ABAT: variants seen among roughly 807,000 people sequenced by gnomAD.
The protein encoded by ABAT is 4-aminobutyrate aminotransferase, also known as 4-aminobutyrate aminotransferase, mitochondrial.
A neutral mutation model predicts 64.6 loss-of-function variants in ABAT; 45 were observed. That is an observed-to-expected ratio of 0.70 (90% CI 0.55 to 0.89). The LOEUF is 0.89. Ranked by LOEUF, ABAT falls within the 40% of genes least tolerant of loss-of-function variation. ABAT has a pLI of 0.00. For missense variants in ABAT, 633 were observed against 658.4 expected, an observed-to-expected ratio of 0.96 and a Z score of 0.42; for synonymous variants, 297 against 250.5, an observed-to-expected ratio of 1.19 and a Z score of -1.75.
chr16:8,764,030 G>A lies in ABAT; in HGVS notation c.367-39G>A. On this transcript the variant is annotated intron_variant, in intron 6 of 15. Transcript: ENST00000268251. This position sits in a 1 kb window ranked among gnomAD's most constrained non-coding sequence, Gnocchi z 4.2. ...ATTTGTGGGCAGGGAGCTGGGTCAG[G>A]CCCCCAGAAGTCACCATTTGTCTCT... The A allele has an allele frequency of 1.9e-6, 3 of 1,561,846 alleles. No individual in the cohort carries two copies. Among genetic ancestry groups the A allele is most frequent in the Non-Finnish European group, 2.6e-6 (3 of 1,132,518 alleles).
At chr16:8,704,629 GT>G (rs34516341) in intron 1 of ABAT, among the ~76,000 whole-genome samples, 1 of 152,046 alleles carries the variant, frequency 6.6e-6, no homozygotes, top group Non-Finnish European at 1.5e-5. Flanking sequence ...TTATGATTTT[GT>G]TTTTTTGTGC....
Position 8,756,473 on chromosome 16 carries a change from G to A in ABAT, c.317-1284G>A, listed in dbSNP as rs576986258. On this transcript the variant is annotated intron_variant, in intron 5 of 15. Coordinates refer to ENST00000268251, the MANE Select transcript of ABAT (RefSeq NM_020686.6). ...CTGCCGGTTTGTTACATAGGTAAAC[G>A]TGTGCCATGGTGGTTTACTGCACCT... Among the ~76,000 whole-genome samples the A allele has an allele frequency of 6.6e-5, 10 of 152,008 alleles. No individual in the cohort carries two copies. The South Asian group carries it at 1.5e-3, about 22-fold the overall frequency.
intron 2 of ABAT, among the ~76,000 whole-genome samples, chr16:8,743,640 TA>T (rs2059242887): frequency 4.2e-5 from 2 of 47,670 alleles, no homozygotes; most frequent in Non-Finnish European, 9.1e-5. Flanking sequence ...ATTTTAGTTA[TA>T]ATATATAATA....
rs1343149430 is a variant in ABAT at position 8,754,625 on chromosome 16, CAT to C, written c.317-3130_317-3129del. Among the ~76,000 whole-genome samples, 14 of 152,192 alleles carry C rather than the reference CAT, an allele frequency of 9.2e-5. 1 individual carries two copies. In the East Asian group the frequency reaches 2.7e-3, roughly 29 times the overall value. On this transcript the variant is annotated intron_variant, in intron 5 of 15. Coordinates refer to ENST00000268251, the MANE Select transcript of ABAT (RefSeq NM_020686.6). ...ATTTCAGCTCGTTTCTCCTTGATCT[CAT>C]AAGCAGAGAGAGTTTCAGCATTTTC...
intron 1 of ABAT, among the ~76,000 whole-genome samples, chr16:8,690,226 C>G (rs1337531582): frequency 6.6e-6 from 1 of 152,210 alleles, no homozygotes; most frequent in African/African-American, 2.4e-5. Flanking sequence ...AGGTCTGGAA[C>G]TCTTTTCTCC....
chr16:8,677,974 G>T (rs1003451250), intron 1 of ABAT, among the ~76,000 whole-genome samples: 1 of 151,990 alleles, frequency 6.6e-6, no homozygotes, highest in Non-Finnish European at 1.5e-5. Flanking sequence ...TGGGGGGATT[G>T]CTTGAGCCCG....
At chr16:8,768,614 A>G (rs1156988406) in intron 10 of ABAT, among the ~76,000 whole-genome samples, 1 of 152,204 alleles carries the variant, frequency 6.6e-6, no homozygotes, top group Non-Finnish European at 1.5e-5. Flanking sequence ...GTTCAGTATC[A>G]AAACATCTCA....
intron 1 of ABAT, among the ~76,000 whole-genome samples, chr16:8,731,116 C>T (rs549105803): frequency 1.7e-3 from 262 of 152,224 alleles, no homozygotes; most frequent in Non-Finnish European, 2.8e-3. Context: ...GCGTGCACCA[C>T]CACACCCAGC....
chr16:8,707,169 G>A (rs1212203250), intron 1 of ABAT, among the ~76,000 whole-genome samples: 1 of 152,000 alleles, frequency 6.6e-6, no homozygotes, highest in Non-Finnish European at 1.5e-5. Context: ...GCCCATGGTG[G>A]TCTAGCAGAA....
At chr16:8,737,991 G>GAAAAAGAAAGAAAGAAA (rs55862439) in intron 2 of ABAT, among the ~76,000 whole-genome samples, 1 of 14,952 alleles carries the variant, frequency 6.7e-5, no homozygotes, top group Admixed American at 9.4e-4. Flanking sequence ...GAAGGAAGGA[G>GAAAAAGAAAGAAAGAAA]GAAAGAAAGA....
intron 14 of ABAT, among the ~76,000 whole-genome samples, chr16:8,777,615 G>T (rs868784625): frequency 2.0e-5 from 3 of 152,294 alleles, no homozygotes; most frequent in South Asian, 4.1e-4. Context: ...GCCTAAAGGG[G>T]TGTCTAAATG....
At chr16:8,743,462 T>C in intron 2 of ABAT, among the ~76,000 whole-genome samples, 1 of 132,672 alleles carries the variant, frequency 7.5e-6, no homozygotes, top group African/African-American at 3.0e-5. Flanking sequence ...TTTTATAATA[T>C]ATTATATAAT....
At chr16:8,755,083 T>G (rs906509293) in intron 5 of ABAT, among the ~76,000 whole-genome samples, 1 of 152,240 alleles carries the variant, frequency 6.6e-6, no homozygotes, top group African/African-American at 2.4e-5. Flanking sequence ...AGCACGTTCT[T>G]TCTTTCTTTT....
Position 8,779,565 on chromosome 16 carries a change from G to A in ABAT, c.1356G>A (p.Lys452=). 1 of 1,614,110 alleles carries A rather than the reference G, an allele frequency of 6.2e-7. No individual in the cohort carries two copies. Among genetic ancestry groups the A allele is most frequent in the African/African-American group, 1.3e-5 (1 of 75,044 alleles). Residue 452 remains lysine, a synonymous_variant, in exon 15 of 16, where the codon AAG becomes AAA. Transcript: ENST00000268251. The part of the protein sequence containing the change: ...FDTPDDSIRN[K]LILIARNKGV... Reference sequence around the variant, plus strand: ...CTCCCGATGATTCCATACGGAATAAGCTCATTTTAATTGCCAGAAACAAAG... The same window carrying A: ...CTCCCGATGATTCCATACGGAATAAACTCATTTTAATTGCCAGAAACAAAG...
chr16:8,759,824 G>A (rs139182998), intron 6 of ABAT, among the ~76,000 whole-genome samples: 28 of 152,296 alleles, frequency 1.8e-4, no homozygotes, highest in African/African-American at 5.8e-4. Context: ...GATTACAGGC[G>A]TGAGCCACCA....
At chr16:8,690,257 C>T (rs1483045309) in intron 1 of ABAT, among the ~76,000 whole-genome samples, 3 of 152,170 alleles carry the variant, frequency 2.0e-5, no homozygotes, top group African/African-American at 4.8e-5. Flanking sequence ...GAGTGTCTTG[C>T]TTGCTGGAGT....
chr16:8,697,202 A>T (rs143091959), intron 1 of ABAT, among the ~76,000 whole-genome samples: 1 of 152,132 alleles, frequency 6.6e-6, no homozygotes, highest in Non-Finnish European at 1.5e-5. Flanking sequence ...CCCCGGGGGA[A>T]ACTCATTCCA....
intron 5 of ABAT, among the ~76,000 whole-genome samples, chr16:8,754,899 A>G (rs2059607477): frequency 1.3e-5 from 2 of 151,696 alleles, no homozygotes; most frequent in Non-Finnish European, 1.5e-5. Flanking sequence ...TTGTATTTTT[A>G]GTAGAGATGG....
intron 2 of ABAT, among the ~76,000 whole-genome samples, chr16:8,743,444 T>TATATATATACAC (rs368568293): frequency 1.7e-5 from 2 of 117,702 alleles, no homozygotes; most frequent in African/African-American, 3.7e-5. Flanking sequence ...TATATATATA[T>TATATATATACAC]ACACACATTT....
Sources: gnomAD v4.1 joint callset for allele counts (sites outside exome capture counted in the v4.1 genomes callset) on GRCh38, gnomAD v4.1.1 for gene constraint, Gnocchi (gnomAD v3.1) non-coding constraint, MANE v1.5 for transcripts, NCBI Gene and HGNC (gene_info 2026-07-23, HGNC 2026-07-21) for gene names.